RTTN: variants seen among roughly 807,000 people sequenced by gnomAD.
The protein encoded by RTTN is rotatin.
RTTN carries 182 observed loss-of-function variants against 269.2 expected under a neutral mutation model. The observed-to-expected ratio is 0.68, with a 90% confidence interval of 0.60 to 0.76. RTTN has a LOEUF of 0.76. Among genes scored for constraint, RTTN ranks in the 30% least tolerant of loss-of-function variants. RTTN has a pLI of 0.00. For synonymous variants in RTTN, 1,006 were observed against 963.5 expected, an observed-to-expected ratio of 1.04 and a Z score of -0.82; for missense variants, 2,545 against 2,608.6, an observed-to-expected ratio of 0.98 and a Z score of 0.53.
chr18:70,051,506 A>C lies in RTTN; in HGVS notation c.5228T>G (p.Leu1743Ter). ...ISAFYHTWTH[L>*]FNLLAMLLRK... Reference sequence around the variant, plus strand: ...CAGGAGCATGGCCAGAAGATTAAATAAATGTGTCCATGTGTGATAAAAAGC... The same window carrying C: ...CAGGAGCATGGCCAGAAGATTAAATCAATGTGTCCATGTGTGATAAAAAGC... The change falls in exon 39 of 49, where the codon TTA becomes TGA. Residue 1743 changes from leucine (L) to a stop codon, truncating the protein, a stop_gained. Coordinates refer to ENST00000640769, the MANE Select transcript of RTTN (RefSeq NM_173630.4). LOFTEE classifies it high-confidence loss of function. 6.2e-7 allele frequency: 1 copy of C among 1,611,576 alleles called. No individual in the cohort carries two copies. Among genetic ancestry groups the C allele is most frequent in the Non-Finnish European group, 8.5e-7 (1 of 1,177,716 alleles).
chr18:70,169,221 T>C (rs1263433634), intron 11 of RTTN, among the ~76,000 whole-genome samples, 154 bp from the exon 12 acceptor site: 1 of 152,172 alleles, frequency 6.6e-6, no homozygotes, highest in Non-Finnish European at 1.5e-5. Flanking sequence ...AAATCCCATT[T>C]CCCAACACAT....
At chr18:70,022,403 C>G (rs1270888410) in intron 44 of RTTN, among the ~76,000 whole-genome samples, 2 of 152,152 alleles carry the variant, frequency 1.3e-5, no homozygotes, top group African/African-American at 4.8e-5. Context: ...CCCTCTCAGG[C>G]TGGGCTCTTA....
Position 70,059,900 on chromosome 18 carries a change from TCTGGGAGCAATC to T in RTTN, c.4878_4889del (p.Ile1627_Arg1630del), listed in dbSNP as rs1421557031. 1 of 1,613,584 alleles carries T rather than the reference TCTGGGAGCAATC, an allele frequency of 6.2e-7. No individual in the cohort carries two copies. Among genetic ancestry groups the T allele is most frequent in the Admixed American group, 1.7e-5 (1 of 59,992 alleles). ...CTTGTCGAAAAGCCTTTGCAGTGTC[TCTGGGAGCAATC>T]GTCAAGAGGTTGTCCAAGAGGCTGC... On this transcript the variant is annotated inframe_deletion, in exon 36 of 49. Transcript: ENST00000640769.
intron 28 of RTTN, among the ~76,000 whole-genome samples, chr18:70,105,219 C>T (rs1223609693): frequency 1.3e-5 from 2 of 152,220 alleles, no homozygotes; most frequent in Non-Finnish European, 2.9e-5. Flanking sequence ...CCCCCAGCCT[C>T]GCTGCCACCT....
chr18:70,055,267 A>G (rs2057784120), intron 37 of RTTN, among the ~76,000 whole-genome samples: 1 of 152,150 alleles, frequency 6.6e-6, no homozygotes, highest in South Asian at 2.1e-4. Flanking sequence ...AGTGAATTTT[A>G]TAAAGATATT....
intron 28 of RTTN, among the ~76,000 whole-genome samples, chr18:70,107,026 A>C (rs1243452758): frequency 6.6e-6 from 1 of 152,234 alleles, no homozygotes; most frequent in Non-Finnish European, 1.5e-5. Context: ...ACCTACATAA[A>C]CAGCAAAAGC....
At chr18:70,184,727 T>TGTGG (rs2061503850) in intron 10 of RTTN, among the ~76,000 whole-genome samples, 2 of 77,042 alleles carry the variant, frequency 2.6e-5, no homozygotes, top group African/African-American at 3.8e-5. Context: ...TGTGTGTGTG[T>TGTGG]GTGTGTGTGT....
At chr18:70,154,907 GCTA>G (rs1417007471) in intron 14 of RTTN, among the ~76,000 whole-genome samples, 5 of 152,092 alleles carry the variant, frequency 3.3e-5, no homozygotes, top group African/African-American at 7.2e-5. Context: ...GCCCAAAAAT[GCTA>G]CTATTTGATA....
rs1035819355 is a variant in RTTN, at chr18:70,190,650, T to A, written c.1077A>T (p.Ile359=). 2 of 1,613,602 alleles carry A rather than the reference T, an allele frequency of 1.2e-6. No homozygotes were observed. The highest frequency in any genetic ancestry group is 1.7e-6 in the Non-Finnish European group (2 of 1,179,500). ...SVHSPLDMGH[I]DLPELETEDT... ...CTTCAGTTTCCAGCTCTGGCAGATC[T>A]ATGTGTCCCATATCCAAAGGTGAAT... The change falls in exon 9 of 49, where the codon ATA becomes ATT. Residue 359 remains isoleucine (I), a synonymous_variant. Coordinates refer to ENST00000640769, the MANE Select transcript of RTTN (RefSeq NM_173630.4).
chr18:70,120,330 C>G (rs1461133973), intron 26 of RTTN, among the ~76,000 whole-genome samples: 1 of 152,018 alleles, frequency 6.6e-6, no homozygotes, highest in Non-Finnish European at 1.5e-5. Flanking sequence ...TTATAAATTA[C>G]CCAGCTTCTG....
At chr18:70,103,942 T>C (rs1183760007) in intron 28 of RTTN, among the ~76,000 whole-genome samples, 2 of 152,196 alleles carry the variant, frequency 1.3e-5, no homozygotes, top group African/African-American at 2.4e-5. Context: ...ATTTCAACTT[T>C]GGTGAATCCG....
At chr18:70,069,072 T>C (rs1249615408) in intron 34 of RTTN, among the ~76,000 whole-genome samples, 4 of 152,146 alleles carry the variant, frequency 2.6e-5, no homozygotes, top group East Asian at 1.9e-4. Context: ...AAGATGAGTA[T>C]GTTCTGGGGA....
rs774706745 is a variant in RTTN at position 70,190,679 on chromosome 18, C to T, written c.1048G>A (p.Val350Ile). The change falls in exon 9 of 49, where the codon GTT becomes ATT. Residue 350 changes from valine (V) to isoleucine (I), a missense_variant. Physicochemically the swap from Val to Ile is conservative, Grantham distance 29 (BLOSUM62 3). Transcript: ENST00000640769. ...TGTCCCATATCCAAAGGTGAATGAA[C>T]GGATATCCTGGAGTTTACATGAGCA... ...SHAHVNSRIS[V>I]HSPLDMGHID... 1.1e-5 allele frequency: 18 copies of T among 1,612,698 alleles called. No homozygotes were observed. Among genetic ancestry groups the T allele is most frequent in the Admixed American group, 3.3e-5 (2 of 59,992 alleles).
intron 8 of RTTN, among the ~76,000 whole-genome samples, chr18:70,192,163 C>A (rs1254409687): frequency 1.3e-5 from 2 of 152,114 alleles, no homozygotes; most frequent in East Asian, 1.9e-4. Context: ...GGGCATAACA[C>A]CATACACACA....
In RTTN at chr18:70,145,811, C is replaced by A. The variant is rs2060375332; in HGVS notation, c.2310-28G>T. 7 of 1,562,168 alleles carry A rather than the reference C, an allele frequency of 4.5e-6. No individual in the cohort carries two copies. In the African/African-American group the frequency reaches 8.3e-5, roughly 18 times the overall value. ...GAGAACACAAAGTACTTAAGTCGAA[C>A]TTTCGTGATATGCAAATGTCTATTT... On this transcript the variant is annotated intron_variant, in intron 17 of 48. Transcript: ENST00000640769.
At chr18:70,103,539 A>T (rs1001227076) in intron 28 of RTTN, among the ~76,000 whole-genome samples, 1 of 152,156 alleles carries the variant, frequency 6.6e-6, no homozygotes, top group South Asian at 2.1e-4. Context: ...GTGCTTTGTT[A>T]AACAGATGCT....
chr18:70,030,487 C>T (rs979588252), intron 41 of RTTN, among the ~76,000 whole-genome samples: 4 of 152,130 alleles, frequency 2.6e-5, no homozygotes, highest in Admixed American at 6.5e-5. Flanking sequence ...GAAATTTATA[C>T]GAAAATATGG....
intron 5 of RTTN, among the ~76,000 whole-genome samples, chr18:70,198,814 A>T (rs1208665974): frequency 6.6e-6 from 1 of 152,218 alleles, no homozygotes; most frequent in Non-Finnish European, 1.5e-5. Context: ...AATCAAGGGC[A>T]TAAGCAATGG....
At chr18:70,032,585 G>A (rs2057048437) in intron 40 of RTTN, among the ~76,000 whole-genome samples, 1 of 152,030 alleles carries the variant, frequency 6.6e-6, no homozygotes, top group Non-Finnish European at 1.5e-5. Context: ...GACAAAGAAG[G>A]GCATTACAAA....
Sources: allele counts gnomAD v4.1 joint callset (sites outside exome capture counted in the v4.1 genomes callset), GRCh38; gene constraint gnomAD v4.1.1; transcripts MANE v1.5; gene names NCBI Gene and HGNC (gene_info 2026-07-23, HGNC 2026-07-21).